Variants in CARHSP1 observed in about 807,000 individuals in gnomAD.
The protein encoded by CARHSP1 is calcium-regulated heat-stable protein 1.
CARHSP1 carries 14 observed loss-of-function variants against 12.5 expected under a neutral mutation model. The observed-to-expected ratio is 1.12, with a 90% CI of 0.74 to 1.75. CARHSP1 has a LOEUF of 1.75. CARHSP1 is among the 40% of genes most tolerant of loss of function. CARHSP1 has a pLI of 0.00. For synonymous variants in CARHSP1, 161 were observed against 82.0 expected (o/e 1.96, Z -5.20); for missense variants, 343 against 201.6 (o/e 1.70, Z -4.25).
At chr16:8,861,199 T>TTTTTTTTTA (rs1567187143) in intron 1 of CARHSP1, among the ~76,000 whole-genome samples, 6 of 60,568 alleles carry the variant, frequency 9.9e-5, no homozygotes, top group Non-Finnish European at 3.2e-5. Context: ...TTTTTTTTTT[T>TTTTTTTTTA]ATAGAGACAG....
intron 3 of CARHSP1, chr16:8,857,314 C>CTTTTTTTTTTTTTTTTTTTT: frequency 1.1e-5 from 1 of 91,614 alleles, no homozygotes; most frequent in Non-Finnish European, 2.1e-5. Flanking sequence ...TGGAGTTTTG[C>CTTTTTTTTTTTTTTTTTTTT]TCTTGTTGCC....
In CARHSP1 at chr16:8,854,309, C is replaced by T. The variant is rs1311526175; in HGVS notation, c.*855G>A. 1 of 152,140 alleles carries T rather than the reference C, an allele frequency of 6.6e-6. No individual in the cohort carries two copies. The highest frequency in any genetic ancestry group is 1.5e-5 in the Non-Finnish European group (1 of 68,022). 9.4% of individuals were successfully genotyped at this position (152,140 alleles called of 1,614,324 possible). A position where few individuals can be genotyped will look rare whatever the true frequency, so the allele number is the denominator to read the frequency against. ...CTACTCTTTTCTGGATGGATCGGGA[C>T]AAAGTTTTTAAACAAAGACTGTGTC... On this transcript the variant is annotated 3_prime_UTR_variant, in exon 4 of 4. Coordinates refer to ENST00000311052, the MANE Select transcript of CARHSP1 (RefSeq NM_014316.4).
rs2061261334 is a variant in CARHSP1, at chr16:8,859,240, G to A, written c.89C>T (p.Ser30Leu). The change falls in exon 2 of 4, where the codon TCA becomes TTA. Residue 30 changes from serine (S) to leucine (L), a missense_variant. Physicochemically the swap from Ser to Leu is moderately radical, Grantham distance 145. Coordinates refer to ENST00000311052, the MANE Select transcript of CARHSP1 (RefSeq NM_014316.4). ...CACGTTGCCCCGCAGAGGGGATGGT[G>A]AGCGCTCACGGCTCCGAGGGGTGTC... ...LLDTPRSRERSPSPLRGNVVP... is the reference protein window; with the variant it reads ...LLDTPRSRERLPSPLRGNVVP... 2 of 1,601,508 alleles carry A rather than the reference G, an allele frequency of 1.2e-6. No homozygotes were observed. Among genetic ancestry groups the A allele is most frequent in the Non-Finnish European group, 1.7e-6 (2 of 1,176,722 alleles).
chr16:8,867,387 T>C (rs940876774), intron 1 of CARHSP1: 4 of 152,270 alleles, frequency 2.6e-5, no homozygotes, highest in African/African-American at 9.6e-5. Context: ...GCTGTGCAGA[T>C]GGTGCCGCGA....
chr16:8,866,495 C>G (rs867271898), intron 1 of CARHSP1: 2 of 985,060 alleles, frequency 2.0e-6, no homozygotes, highest in African/African-American at 3.5e-5. Flanking sequence ...TCCAGCGCAG[C>G]TGAGCCCCAG....
intron 1 of CARHSP1, among the ~76,000 whole-genome samples, chr16:8,864,785 G>A (rs1269971280): frequency 1.3e-5 from 2 of 152,220 alleles, no homozygotes; most frequent in Non-Finnish European, 2.9e-5. Context: ...GGGTGTGTCG[G>A]CTGGGAGAAG....
At chr16:8,865,354 C>T (rs1162349238) in intron 1 of CARHSP1, among the ~76,000 whole-genome samples, 20 of 152,212 alleles carry the variant, frequency 1.3e-4, no homozygotes, top group Admixed American at 1.3e-3. Flanking sequence ...TCATGATTTA[C>T]CCGCTTCAGC....
Position 8,853,420 on chromosome 16 carries a change from A to AACAACACAACGCAGGCGAGGAAACAAC in CARHSP1, c.*1743_*1744insGTTGTTTCCTCGCCTGCGTTGTGTTGT, listed in dbSNP as rs148152436. ...GTACAAGGAGCATCGCAGGCGAGGA[A>AACAACACAACGCAGGCGAGGAAACAAC]ACAATGGCCAGGACCTAACTGTGGT... On this transcript the variant is annotated 3_prime_UTR_variant, in exon 4 of 4. Transcript: ENST00000311052. 3 of 151,862 alleles carry AACAACACAACGCAGGCGAGGAAACAAC rather than the reference A, an allele frequency of 2.0e-5. No individual in the cohort carries two copies. The highest frequency in any genetic ancestry group is 7.3e-5 in the African/African-American group (3 of 41,278). The allele number at this position is 151,862 out of a possible 1,614,324, so 9.4% of individuals were successfully genotyped here. A position where few individuals can be genotyped will look rare whatever the true frequency, so the allele number is the denominator to read the frequency against.
chr16:8,853,343 A>G lies in CARHSP1; in HGVS notation c.*1821T>C, dbSNP rs1302829763. 2.0e-5 allele frequency: 3 copies of G among 151,184 alleles called. No homozygotes were observed. The allele number at this position is 151,184 out of a possible 1,614,324, so 9.4% of individuals were successfully genotyped here. ...GGGAACAATTCAAGGCTGGAGAGAAAAGGCCACCTTTGACCCAGCAGAAGG... is the reference window on the plus strand; with the variant it reads ...GGGAACAATTCAAGGCTGGAGAGAAGAGGCCACCTTTGACCCAGCAGAAGG... On this transcript the variant is annotated 3_prime_UTR_variant, in exon 4 of 4. Coordinates refer to ENST00000311052, the MANE Select transcript of CARHSP1 (RefSeq NM_014316.4).
At chr16:8,855,966 A>C (rs2061089615) in intron 3 of CARHSP1, among the ~76,000 whole-genome samples, 1 of 151,830 alleles carries the variant, frequency 6.6e-6, no homozygotes, top group African/African-American at 2.4e-5. Flanking sequence ...TAGGCACCAC[A>C]GCCAGCTAAT....
At position 8,858,376 on chromosome 16, in the gene CARHSP1, G is replaced by T; in HGVS notation, c.255C>A (p.Gly85=). 1 of 1,613,948 alleles carries T rather than the reference G, an allele frequency of 6.2e-7. No individual in the cohort carries two copies. The highest frequency in any genetic ancestry group is 1.1e-5 in the South Asian group (1 of 91,082). ...CAGAGATGTGCAGGAAGATGTCGGG[G>T]CCGCCATCAGCTGGAGTAATGAAGC... The part of the protein sequence containing the change: ...GHGFITPADG[G]PDIFLHISDV... The change falls in exon 3 of 4, where the codon GGC becomes GGA. Residue 85 remains glycine (G), a synonymous_variant. Coordinates refer to ENST00000311052, the MANE Select transcript of CARHSP1 (RefSeq NM_014316.4).
In CARHSP1 at chr16:8,859,218, G is replaced by A. The variant is rs753728291; in HGVS notation, c.111C>T (p.Asn37=). 25 of 1,603,328 alleles carry A rather than the reference G, an allele frequency of 1.6e-5. No homozygotes were observed. The highest frequency in any genetic ancestry group is 3.3e-4 in the Middle Eastern group (2 of 6,070). Residue 37 remains asparagine, a synonymous_variant, in exon 2 of 4, where the codon AAC becomes AAT. Transcript: ENST00000311052. ...GAGTGGGCAGTGGGCTTGGGACCACGTTGCCCCGCAGAGGGGATGGTGAGC... is the reference window on the plus strand; with the variant it reads ...GAGTGGGCAGTGGGCTTGGGACCACATTGCCCCGCAGAGGGGATGGTGAGC... ...RERSPSPLRG[N]VVPSPLPTRR...
chr16:8,854,121 T>G lies in CARHSP1; in HGVS notation c.*1043A>C, dbSNP rs1355974673. The G allele has an allele frequency of 2.0e-5, 3 of 151,406 alleles. No homozygotes were observed. Among genetic ancestry groups the G allele is most frequent in the African/African-American group, 7.3e-5 (3 of 41,144 alleles). 9.4% of individuals were successfully genotyped at this position (151,406 alleles called of 1,614,324 possible). On this transcript the variant is annotated 3_prime_UTR_variant, in exon 4 of 4. Coordinates refer to ENST00000311052, the MANE Select transcript of CARHSP1 (RefSeq NM_014316.4). ...AAAGTTTGCAATGTCGGCAGCAAAG[T>G]GCAAACAGAGCCGGCTCTGGGTGAA...
chr16:8,866,508 T>A, intron 1 of CARHSP1: 2 of 982,200 alleles, frequency 2.0e-6, no homozygotes, highest in Non-Finnish European at 2.4e-6. Flanking sequence ...AGCCCCAGCC[T>A]GGGAGAACTG....
intron 3 of CARHSP1, 193 bp downstream of exon 3, chr16:8,858,157 C>T (rs188119398): frequency 2.2e-4 from 141 of 645,688 alleles, no homozygotes; most frequent in East Asian, 5.0e-4. Context: ...AACACAGCTC[C>T]GTAGAGTCTC....
In CARHSP1 at chr16:8,853,790, CA is replaced by C. The variant is rs1016728673; in HGVS notation, c.*1373del. 1 of 152,130 alleles carries C rather than the reference CA, an allele frequency of 6.6e-6. No individual in the cohort carries two copies. Among genetic ancestry groups the C allele is most frequent in the African/African-American group, 2.4e-5 (1 of 41,408 alleles). The allele number at this position is 152,130 out of a possible 1,614,324, so 9.4% of individuals were successfully genotyped here. A position where few individuals can be genotyped will look rare whatever the true frequency, so the allele number is the denominator to read the frequency against. Reference sequence around the variant, plus strand: ...AGGATTTGTTTACCAGAAATACCTACAAAAAAGTTTGCAGGCCGGGCGCGAT... The same window carrying C: ...AGGATTTGTTTACCAGAAATACCTACAAAAAGTTTGCAGGCCGGGCGCGAT... On this transcript the variant is annotated 3_prime_UTR_variant, in exon 4 of 4. Coordinates refer to ENST00000311052, the MANE Select transcript of CARHSP1 (RefSeq NM_014316.4).
intron 1 of CARHSP1, among the ~76,000 whole-genome samples, chr16:8,865,744 G>A (rs1054406701): frequency 1.3e-5 from 2 of 152,188 alleles, no homozygotes; most frequent in Non-Finnish European, 1.5e-5. Flanking sequence ...GCCCTGTTGG[G>A]GGATTACAAA....
chr16:8,867,531 C>G (rs551070722), intron 1 of CARHSP1: 12 of 152,490 alleles, frequency 7.9e-5, no homozygotes, highest in African/African-American at 2.9e-4. Context: ...AATGCGCTGG[C>G]TTTGCCACTC....
chr16:8,863,008 G>A (rs1323819703), intron 1 of CARHSP1, among the ~76,000 whole-genome samples: 1 of 151,906 alleles, frequency 6.6e-6, no homozygotes, highest in Non-Finnish European at 1.5e-5. Context: ...GTAGGGGTGA[G>A]GAGTCTGAGG....
Sources: allele counts gnomAD v4.1 joint callset (sites outside exome capture counted in the v4.1 genomes callset), GRCh38; gene constraint gnomAD v4.1.1; transcripts MANE v1.5; gene names NCBI Gene and HGNC (gene_info 2026-07-23, HGNC 2026-07-21).